Variants in RPS6KA2 observed in about 807,000 individuals in gnomAD.
RPS6KA2 encodes the protein ribosomal protein S6 kinase alpha-2.
A neutral mutation model predicts 91.8 loss-of-function variants in RPS6KA2; 42 were observed. The ratio of observed to expected loss-of-function variants is 0.46; its 90% confidence interval spans 0.36 to 0.59. RPS6KA2 has a LOEUF of 0.59. Ranked by LOEUF, RPS6KA2 falls within the 20% of genes least tolerant of loss-of-function variation. The pLI is 0.00. For synonymous variants in RPS6KA2, 414 were observed against 393.6 expected (o/e 1.05, Z -0.61); for missense variants, 798 against 978.5 (o/e 0.82, Z 2.46).
chr6:166,618,769 T>C (rs1786509595), intron 1 of RPS6KA2, among the ~76,000 whole-genome samples: 1 of 152,238 alleles, frequency 6.6e-6, no homozygotes, highest in Admixed American at 6.5e-5. Flanking sequence ...AGAGTGATTG[T>C]GGCCAGCTCA....
At chr6:166,833,701 T>C (rs1370426032) in intron 2 of RPS6KA2, among the ~76,000 whole-genome samples, 2 of 152,206 alleles carry the variant, frequency 1.3e-5, no homozygotes, top group East Asian at 1.9e-4. Flanking sequence ...CCTGGTTTGT[T>C]CCTTTCATTG....
chr6:166,702,212 A>C, intron 2 of RPS6KA2: 2 of 1,609,856 alleles, frequency 1.2e-6, no homozygotes, highest in South Asian at 2.2e-5. Flanking sequence ...GGCTCCAACA[A>C]ATTGGGTGGG....
intron 12 of RPS6KA2, among the ~76,000 whole-genome samples, chr6:166,454,579 G>C (rs1273656002): frequency 6.6e-6 from 1 of 152,150 alleles, no homozygotes; most frequent in Admixed American, 6.5e-5. Context: ...CTGTTTCAGT[G>C]ATATGTGTTA....
chr6:166,500,850 A>C lies in RPS6KA2; in HGVS notation c.604+37T>G, dbSNP rs1487707850. ...GGTCCCCAAAGGTACCAGGGCTGAGATGAAGCCATGGAGGGGGCCTGCCGT... is the reference window on the plus strand; with the variant it reads ...GGTCCCCAAAGGTACCAGGGCTGAGCTGAAGCCATGGAGGGGGCCTGCCGT... On this transcript the variant is annotated intron_variant, in intron 7 of 20. Coordinates refer to ENST00000265678, the MANE Select transcript of RPS6KA2 (RefSeq NM_021135.6). This position sits in a 1 kb window ranked among gnomAD's most constrained non-coding sequence, Gnocchi z 4.3. 6.3e-7 allele frequency: 1 copy of C among 1,596,108 alleles called. No individual in the cohort carries two copies. The highest frequency in any genetic ancestry group is 1.1e-5 in the South Asian group (1 of 90,650).
Position 166,413,010 on chromosome 6 carries a change from G to A in RPS6KA2, c.2077-123C>T, listed in dbSNP as rs1015049556. 1.6e-5 allele frequency: 18 copies of A among 1,095,292 alleles called. 1 individual carries two copies. In the South Asian group the frequency reaches 3.1e-4, roughly 19 times the overall value. 67.8% of individuals were successfully genotyped at this position (1,095,292 alleles called of 1,614,324 possible). A position where few individuals can be genotyped will look rare whatever the true frequency, so the allele number is the denominator to read the frequency against. On this transcript the variant is annotated intron_variant, in intron 20 of 20. Transcript: ENST00000265678. ...CGTGGGAGAAACCAGAGCTTCCCCA[G>A]GGTCCCTGGAGCATGGAGTGCTGTT...
intron 2 of RPS6KA2, among the ~76,000 whole-genome samples, chr6:166,836,644 T>C (rs1373464679): frequency 2.0e-5 from 3 of 152,180 alleles, no homozygotes; most frequent in African/African-American, 7.2e-5. Context: ...ACACACACTG[T>C]CCACTCTTTC....
At chr6:166,792,847 C>A (rs10806859) in intron 2 of RPS6KA2, among the ~76,000 whole-genome samples, 52,843 of 151,954 alleles carry the variant, frequency 0.35, 9,912 homozygotes, top group African/African-American at 0.47. Flanking sequence ...TATTGATGGG[C>A]TGTATCTCAA....
intron 2 of RPS6KA2, among the ~76,000 whole-genome samples, chr6:166,654,315 A>G (rs950997805): frequency 6.6e-6 from 1 of 152,214 alleles, no homozygotes; most frequent in African/African-American, 2.4e-5. Context: ...ATCATGCTTC[A>G]CATCTAGTAA....
At chr6:166,425,461 A>T (rs368947143) in intron 16 of RPS6KA2, among the ~76,000 whole-genome samples, 1 of 152,188 alleles carries the variant, frequency 6.6e-6, no homozygotes, top group East Asian at 1.9e-4. Flanking sequence ...TATTACCTTT[A>T]AATGTAAATG....
At chr6:166,787,225 T>G (rs1477690137) in intron 2 of RPS6KA2, among the ~76,000 whole-genome samples, 1 of 152,248 alleles carries the variant, frequency 6.6e-6, no homozygotes, top group Non-Finnish European at 1.5e-5. Flanking sequence ...TTTATCATGA[T>G]GTATAATTGA....
Position 166,752,077 on chromosome 6 carries a change from G to C in RPS6KA2, c.123+106123C>G, listed in dbSNP as rs544091248. 8.5e-5 allele frequency among the ~76,000 whole-genome samples: 13 copies of C among 152,330 alleles called. No individual in the cohort carries two copies. The East Asian group carries it at 1.2e-3, about 14-fold the overall frequency. Reference sequence around the variant, plus strand: ...CGACACCAGGTCCATTTGTACCTGGGTATTCAATGTCTCATGTGCATTTGT... The same window carrying C: ...CGACACCAGGTCCATTTGTACCTGGCTATTCAATGTCTCATGTGCATTTGT... On this transcript the variant is annotated intron_variant, in intron 2 of 21. Transcript: ENST00000503859.
At chr6:166,438,781 G>A (rs1779425437) in intron 14 of RPS6KA2, among the ~76,000 whole-genome samples, 1 of 152,220 alleles carries the variant, frequency 6.6e-6, no homozygotes, top group South Asian at 2.1e-4. Flanking sequence ...TCAGATTCCG[G>A]AGATGCACTC....
chr6:166,412,534 G>T lies in RPS6KA2; in HGVS notation c.*228C>A, dbSNP rs1383620052. 2.4e-6 allele frequency: 1 copy of T among 413,746 alleles called. No individual in the cohort carries two copies. Among genetic ancestry groups the T allele is most frequent in the Non-Finnish European group, 4.3e-6 (1 of 233,658 alleles). 25.6% of individuals were successfully genotyped at this position (413,746 alleles called of 1,614,324 possible). A position where few individuals can be genotyped will look rare whatever the true frequency, so the allele number is the denominator to read the frequency against. On this transcript the variant is annotated 3_prime_UTR_variant, in exon 21 of 21. Coordinates refer to ENST00000265678, the MANE Select transcript of RPS6KA2 (RefSeq NM_021135.6). This position sits in a 1 kb window ranked among gnomAD's most constrained non-coding sequence, Gnocchi z 4.3. ...GAGGTGAAGGGGCGCATTTGGTTTC[G>T]CTTGGGAGAAAAGAGAGCGGGCGGG...
At chr6:166,779,808 G>T (rs112825194) in intron 2 of RPS6KA2, among the ~76,000 whole-genome samples, 3,663 of 152,254 alleles carry the variant, frequency 0.024, 162 homozygotes, top group African/African-American at 0.084. Context: ...GGGCGGCCAA[G>T]AGAAATAACG....
At chr6:166,595,384 C>T (rs1785503863) in intron 1 of RPS6KA2, among the ~76,000 whole-genome samples, 1 of 152,138 alleles carries the variant, frequency 6.6e-6, no homozygotes, top group African/African-American at 2.4e-5. Flanking sequence ...AATTTTGTAC[C>T]CTAAAGCTCT....
chr6:166,596,430 C>G (rs1785536097), intron 1 of RPS6KA2, among the ~76,000 whole-genome samples: 1 of 152,166 alleles, frequency 6.6e-6, no homozygotes, highest in Non-Finnish European at 1.5e-5. Flanking sequence ...TAGAATAAAG[C>G]AGGCAGGAGA....
At chr6:166,831,845 A>G (rs1381723391) in intron 2 of RPS6KA2, among the ~76,000 whole-genome samples, 1 of 151,704 alleles carries the variant, frequency 6.6e-6, no homozygotes, top group Non-Finnish European at 1.5e-5. Flanking sequence ...CATAGGTAAT[A>G]GATATATAGA....
At chr6:166,492,402 T>C (rs1208295480) in intron 8 of RPS6KA2, among the ~76,000 whole-genome samples, 1 of 152,222 alleles carries the variant, frequency 6.6e-6, no homozygotes, top group East Asian at 1.9e-4. Context: ...GAGCTGTTTG[T>C]CTGGTAAAAC....
In RPS6KA2 at chr6:166,439,085, TTTC is replaced by T. The variant is rs566345994; in HGVS notation, c.1333-6598_1333-6596del. On this transcript the variant is annotated intron_variant, in intron 14 of 20. Transcript: ENST00000265678. ...GAAGGAAAGCTCCTGATTCATATTT[TTTC>T]TTGTCTTTATTTTTAATTAATTAAT... Among the ~76,000 whole-genome samples the T allele has an allele frequency of 2.4e-4, 31 of 130,740 alleles. No individual in the cohort carries two copies. In the South Asian group the frequency reaches 6.5e-3, roughly 28 times the overall value. 85.8% of individuals were successfully genotyped at this position (130,740 alleles called of 152,430 possible).
Sources: allele counts gnomAD v4.1 joint callset (sites outside exome capture counted in the v4.1 genomes callset), GRCh38; gene constraint gnomAD v4.1.1; non-coding constraint Gnocchi (gnomAD v3.1); transcripts MANE v1.5; gene names NCBI Gene and HGNC (gene_info 2026-07-23, HGNC 2026-07-21).